The following TMTC2 variants were observed in gnomAD, a reference collection of about 807,000 sequenced individuals.
TMTC2 encodes transmembrane O-mannosyltransferase targeting cadherins 2, also known as protein O-mannosyl-transferase TMTC2.
A neutral mutation model predicts 82.4 loss-of-function variants in TMTC2; 43 were observed. That is an observed-to-expected ratio of 0.52 (90% confidence interval 0.41 to 0.67). The LOEUF is 0.67. Ranked by LOEUF, TMTC2 falls within the 30% of genes least tolerant of loss-of-function variation. The pLI, the probability that TMTC2 is intolerant of heterozygous loss-of-function variation, is 0.00. For missense variants in TMTC2, 919 were observed against 1,012.4 expected, an observed-to-expected ratio of 0.91 and a Z score of 1.25; for synonymous variants, 408 against 381.9, an observed-to-expected ratio of 1.07 and a Z score of -0.80.
At chr12:82,999,480 G>A (rs1879819382) in intron 8 of TMTC2, among the ~76,000 whole-genome samples, 1 of 152,186 alleles carries the variant, frequency 6.6e-6, no homozygotes, top group Non-Finnish European at 1.5e-5. Flanking sequence ...TCACGCTGCT[G>A]ATAAAGACAC....
At chr12:83,083,282 C>T (rs1230867558) in intron 11 of TMTC2, among the ~76,000 whole-genome samples, 1 of 152,212 alleles carries the variant, frequency 6.6e-6, no homozygotes. Context: ...GTCTCTGGTT[C>T]AAACATACTT....
At chr12:82,936,123 A>G (rs1189478317) in intron 4 of TMTC2, among the ~76,000 whole-genome samples, 1 of 152,030 alleles carries the variant, frequency 6.6e-6, no homozygotes, top group East Asian at 1.9e-4. Flanking sequence ...TCATACGAAT[A>G]TATATATACT....
At chr12:82,845,481 T>C (rs554732695) in intron 1 of TMTC2, among the ~76,000 whole-genome samples, 5 of 151,828 alleles carry the variant, frequency 3.3e-5, no homozygotes, top group Non-Finnish European at 7.4e-5. Flanking sequence ...ATTTAACTTT[T>C]AGGTGTGAGA....
chr12:83,004,750 TTTTTTTTTTTTTTTTTTG>T, intron 8 of TMTC2, among the ~76,000 whole-genome samples: 1 of 116,642 alleles, frequency 8.6e-6, no homozygotes, highest in African/African-American at 3.5e-5. Flanking sequence ...TTTTTTTTTT[TTTTTTTTTTTTTTTTTTG>T]AGTAGGGGTA....
chr12:83,057,790 G>A (rs1325096640), intron 10 of TMTC2, among the ~76,000 whole-genome samples: 1 of 151,728 alleles, frequency 6.6e-6, no homozygotes, highest in African/African-American at 2.4e-5. Context: ...TCTTTTGTAT[G>A]TATCCGTGGT....
intron 8 of TMTC2, among the ~76,000 whole-genome samples, chr12:83,009,746 C>T (rs1350152911): frequency 6.6e-6 from 1 of 152,156 alleles, no homozygotes; most frequent in Admixed American, 6.6e-5. Context: ...ATAACAGTGG[C>T]CCCCATCCTT....
chr12:83,108,585 G>A (rs370547187), intron 11 of TMTC2, among the ~76,000 whole-genome samples: 33 of 151,242 alleles, frequency 2.2e-4, no homozygotes, highest in Admixed American at 6.6e-4. Flanking sequence ...AGCCAAGATC[G>A]CGCGACTGCA....
Position 83,110,179 on chromosome 12 carries a change from G to A in TMTC2, c.2332-22031G>A, listed in dbSNP as rs1030722500. On this transcript the variant is annotated intron_variant, in intron 11 of 11. Coordinates refer to ENST00000321196, the MANE Select transcript of TMTC2 (RefSeq NM_152588.3). ...CATCTGTAATGTTACTTTTCCTTCT[G>A]TTATTCTAGATAAATTATTCGTGCT... 3.3e-5 allele frequency among the ~76,000 whole-genome samples: 5 copies of A among 152,122 alleles called. No individual in the cohort carries two copies. The East Asian group carries it at 7.7e-4, about 24-fold the overall frequency.
chr12:82,718,123 A>AT (rs1164821510), intron 1 of TMTC2, among the ~76,000 whole-genome samples: 1 of 152,236 alleles, frequency 6.6e-6, no homozygotes, highest in African/African-American at 2.4e-5. Context: ...CCAAGGTCTG[A>AT]TTTTTTACAC....
intron 1 of TMTC2, among the ~76,000 whole-genome samples, chr12:82,711,896 T>G (rs535401141): frequency 1.3e-5 from 2 of 152,318 alleles, no homozygotes; most frequent in South Asian, 4.1e-4. Flanking sequence ...TATTGACAGC[T>G]CATATCGAAA....
chr12:82,747,385 T>C (rs1875746003), intron 1 of TMTC2, among the ~76,000 whole-genome samples: 1 of 152,226 alleles, frequency 6.6e-6, no homozygotes, highest in Non-Finnish European at 1.5e-5. Flanking sequence ...AGAGCTGGGA[T>C]AGAAGCTTGT....
chr12:83,103,922 G>A (rs2117352), intron 11 of TMTC2, among the ~76,000 whole-genome samples: 13,228 of 152,284 alleles, frequency 0.087, 693 homozygotes, highest in East Asian at 0.22. Context: ...ATAGTTTTCT[G>A]TACAAAGGAG....
chr12:82,794,735 A>G (rs1163345995), intron 1 of TMTC2, among the ~76,000 whole-genome samples: 2 of 152,138 alleles, frequency 1.3e-5, no homozygotes, highest in South Asian at 2.1e-4. Context: ...CCGGAGAGAC[A>G]TGCCTTAGCT....
rs190247662 is a variant in TMTC2 at position 83,012,860 on chromosome 12, T to C, written c.2071-17938T>C. Among the ~76,000 whole-genome samples the C allele has an allele frequency of 2.3e-3, 354 of 152,258 alleles. 3 individuals carry two copies. The highest frequency in any genetic ancestry group is 8.1e-3 in the African/African-American group (338 of 41,574). On this transcript the variant is annotated intron_variant, in intron 8 of 11. Transcript: ENST00000321196. ...TAATCCTCTGTTGTTTTATTAGGTA[T>C]GAATTATGGCAGCTAGAAATAATGT...
Position 82,832,367 on chromosome 12 carries a change from T to C in TMTC2, c.84-24643T>C, listed in dbSNP as rs545708930. On this transcript the variant is annotated intron_variant, in intron 1 of 11. Transcript: ENST00000321196. ...AGTTTTTTTTTTTTTTGACGCAAAG[T>C]TCCTGTTTTTAATTATGTGTGTAAT... Among the ~76,000 whole-genome samples the C allele has an allele frequency of 4.0e-5, 6 of 151,604 alleles. No individual in the cohort carries two copies. In the South Asian group the frequency reaches 1.0e-3, roughly 26 times the overall value.
intron 1 of TMTC2, among the ~76,000 whole-genome samples, chr12:82,695,609 G>A (rs2136889722): frequency 6.6e-6 from 1 of 152,324 alleles, no homozygotes; most frequent in South Asian, 2.1e-4. Flanking sequence ...TGTTAGTTGT[G>A]TCTCTTGGAT....
chr12:82,824,411 G>T (rs1869291694), intron 1 of TMTC2, among the ~76,000 whole-genome samples: 1 of 152,154 alleles, frequency 6.6e-6, no homozygotes, highest in Non-Finnish European at 1.5e-5. Context: ...TTTGGTTCAG[G>T]ATTATTCTCT....
intron 11 of TMTC2, among the ~76,000 whole-genome samples, chr12:83,067,075 A>G (rs1008776096): frequency 6.6e-6 from 1 of 151,952 alleles, no homozygotes; most frequent in African/African-American, 2.4e-5. Context: ...GGGAATTTCT[A>G]CATTTTAAAT....
chr12:82,792,127 G>C (rs114634624), intron 1 of TMTC2, among the ~76,000 whole-genome samples: 1 of 151,794 alleles, frequency 6.6e-6, no homozygotes, highest in Non-Finnish European at 1.5e-5. Flanking sequence ...GTCGACTGTG[G>C]TGTTCAGATG....
Sources: gnomAD v4.1 joint callset for allele counts (sites outside exome capture counted in the v4.1 genomes callset) on GRCh38, gnomAD v4.1.1 for gene constraint, MANE v1.5 for transcripts, NCBI Gene and HGNC (gene_info 2026-07-23, HGNC 2026-07-21) for gene names.